TMEM233: variants seen among roughly 807,000 people sequenced by gnomAD.
The protein encoded by TMEM233 is transmembrane protein 233.
In TMEM233, 6 loss-of-function variants were observed where a neutral mutation model predicts 11.2. The ratio of observed to expected loss-of-function variants is 0.54; its 90% CI spans 0.29 to 1.06. The LOEUF (loss-of-function observed/expected upper bound fraction) is 1.06. Ranked by LOEUF, TMEM233 falls within the 50% of genes least tolerant of loss-of-function variation. The pLI is 0.08. For missense variants in TMEM233, 127 were observed against 144.7 expected (o/e 0.88, Z 0.63); for synonymous variants, 59 against 55.8 (o/e 1.06, Z -0.26).
chr12:119,593,989 C>T lies in TMEM233; in HGVS notation c.141C>T (p.Cys47=). The T allele has an allele frequency of 6.4e-7, 1 of 1,551,732 alleles. No homozygotes were observed. Among genetic ancestry groups the T allele is most frequent in the Non-Finnish European group, 8.7e-7 (1 of 1,146,974 alleles). The change falls in exon 1 of 3, where the codon TGC becomes TGT. Residue 47 remains cysteine, a synonymous_variant. Transcript: ENST00000426426. This position sits in a 1 kb window ranked among gnomAD's most constrained non-coding sequence, Gnocchi z 4.1. ...YLWLTIVSCF[C]PAYPINIVAL... is the part of the protein sequence containing the mutation. The stretch of plus-strand genomic sequence containing the variant: ...GGCTCACCATCGTCTCGTGTTTTTG[C>T]CCTGCGTACCCCATCAACATCGTGG...
At chr12:119,650,628 T>TTTG in the TMEM233 span, among the ~76,000 whole-genome samples, 432 of 151,450 alleles carry the variant, frequency 2.9e-3, 6 homozygotes, top group East Asian at 0.056. Context: ...CTTATTTGAT[T>TTTG]TTGTTGTTGT....
rs1955087250 is a variant in TMEM233, at chr12:119,641,819, G to A, written c.*1114G>A. The A allele has an allele frequency of 6.6e-6, 1 of 152,104 alleles. No homozygotes were observed. The highest frequency in any genetic ancestry group is 6.5e-5 in the Admixed American group (1 of 15,276). 9.4% of individuals were successfully genotyped at this position (152,104 alleles called of 1,614,324 possible). A position where few individuals can be genotyped will look rare whatever the true frequency, so the allele number is the denominator to read the frequency against. On this transcript the variant is annotated 3_prime_UTR_variant, in exon 3 of 3. Coordinates refer to ENST00000426426, the MANE Select transcript of TMEM233 (RefSeq NM_001136534.3). ...CTATTCTTTTTTCATCCTGATTACA[G>A]CAAGGAAAAAGTCTCTGTTTAGTGC... is the stretch of plus-strand genomic sequence containing the variant.
At chr12:119,644,810 T>C (rs1955130595), downstream of TMEM233, among the ~76,000 whole-genome samples, 1 of 152,148 alleles carries the variant, frequency 6.6e-6, no homozygotes, top group Admixed American at 6.5e-5. Context: ...CCCGTGGTGT[T>C]GTCACTTTCA....
intron 1 of TMEM233, among the ~76,000 whole-genome samples, chr12:119,624,377 AATG>A (rs1221064693): frequency 6.6e-6 from 1 of 151,974 alleles, no homozygotes; most frequent in African/African-American, 2.4e-5. Flanking sequence ...AAAAAATTTT[AATG>A]ATAATAATAA....
intron 1 of TMEM233, among the ~76,000 whole-genome samples, chr12:119,601,430 G>A (rs914471778): frequency 3.3e-5 from 5 of 152,124 alleles, no homozygotes; most frequent in Admixed American, 3.3e-4. Context: ...GCCGAGGCGG[G>A]CGGATCACGA....
intron 2 of TMEM233, among the ~76,000 whole-genome samples, chr12:119,636,713 G>T (rs7138785): frequency 1.3e-5 from 2 of 152,044 alleles, no homozygotes; most frequent in Non-Finnish European, 2.9e-5. Context: ...GAGTTGACCA[G>T]GACAACATTT....
intron 1 of TMEM233, among the ~76,000 whole-genome samples, chr12:119,626,587 A>G (rs1406975865): frequency 6.7e-5 from 10 of 149,220 alleles, no homozygotes; most frequent in Non-Finnish European, 1.0e-4. Flanking sequence ...AAGAGAAGAG[A>G]AGAGAAGAGA....
At position 119,595,765 on chromosome 12, in the gene TMEM233, C is replaced by A. The variant is rs1490959407; in HGVS notation, c.186+1731C>A. On this transcript the variant is annotated intron_variant, in intron 1 of 2. Transcript: ENST00000426426. The surrounding 1 kb of genome is among the most constrained non-coding windows in gnomAD (Gnocchi z 4.3). ...TGTGATTACTGTTTAAAATCAGGACCCCCATCCACCCACCCCGCGCAAGCT... is the reference window on the plus strand; with the variant it reads ...TGTGATTACTGTTTAAAATCAGGACACCCATCCACCCACCCCGCGCAAGCT... Among the ~76,000 whole-genome samples, 9 of 152,150 alleles carry A rather than the reference C, an allele frequency of 5.9e-5. No homozygotes were observed. The highest frequency in any genetic ancestry group is 2.2e-4 in the African/African-American group (9 of 41,444).
At position 119,594,901 on chromosome 12, in the gene TMEM233, T is replaced by C. The variant is rs970095; in HGVS notation, c.186+867T>C. Among the ~76,000 whole-genome samples the C allele has an allele frequency of 0.43, 65,043 of 151,876 alleles. 14,720 individuals carry two copies. Among genetic ancestry groups the C allele is most frequent in the African/African-American group, 0.54 (22,559 of 41,420 alleles). On this transcript the variant is annotated intron_variant, in intron 1 of 2. Coordinates refer to ENST00000426426, the MANE Select transcript of TMEM233 (RefSeq NM_001136534.3). The surrounding 1 kb of genome is among the most constrained non-coding windows in gnomAD (Gnocchi z 5.6). ...GGCCCTAACCTCTCTTCTCTTGGTG[T>C]CCCCCAGAGCTCCCAGGCGCCCCTC...
rs961144918 is a variant in TMEM233, at chr12:119,640,907, G to T, written c.*202G>T. 1 of 517,276 alleles carries T rather than the reference G, an allele frequency of 1.9e-6. No individual in the cohort carries two copies. The highest frequency in any genetic ancestry group is 3.3e-6 in the Non-Finnish European group (1 of 299,812). The allele number at this position is 517,276 out of a possible 1,614,324, so 32.0% of individuals were successfully genotyped here. The stretch of plus-strand genomic sequence containing the variant: ...TTTAGGCAATCCAAGCTGCACAGCC[G>T]GATCAGCCAAAGTCATTGATTTGTA... On this transcript the variant is annotated 3_prime_UTR_variant, in exon 3 of 3. Coordinates refer to ENST00000426426, the MANE Select transcript of TMEM233 (RefSeq NM_001136534.3).
chr12:119,631,964 C>G (rs770822486), intron 2 of TMEM233, among the ~76,000 whole-genome samples: 21 of 152,284 alleles, frequency 1.4e-4, no homozygotes, highest in Admixed American at 3.9e-4. Flanking sequence ...GAAAGGACCT[C>G]AGAATTCAAG....
chr12:119,608,242 C>T (rs542678295), intron 1 of TMEM233, among the ~76,000 whole-genome samples: 1 of 152,180 alleles, frequency 6.6e-6, no homozygotes, highest in Non-Finnish European at 1.5e-5. Flanking sequence ...AGAGAGAGGG[C>T]ACCTGATGCT....
At chr12:119,599,020 T>C (rs1176965593) in intron 1 of TMEM233, among the ~76,000 whole-genome samples, 2 of 152,214 alleles carry the variant, frequency 1.3e-5, no homozygotes, top group East Asian at 1.9e-4. Context: ...ACTAGCAAAT[T>C]TGATAAGAAT....
chr12:119,604,712 T>A (rs1954232745), intron 1 of TMEM233, among the ~76,000 whole-genome samples: 2 of 152,174 alleles, frequency 1.3e-5, no homozygotes, highest in African/African-American at 4.8e-5. Flanking sequence ...CATGGCTCAC[T>A]CCAGCCTCAA....
At chr12:119,640,564 C>A (rs528638699) in intron 2 of TMEM233, 135 bp from the exon 3 acceptor site, 5 of 927,578 alleles carry the variant, frequency 5.4e-6, no homozygotes, top group Admixed American at 2.1e-5. Context: ...AAAGTGTGCA[C>A]GCAGGCTGGT....
chr12:119,623,346 G>A (rs1338420419), intron 1 of TMEM233, among the ~76,000 whole-genome samples: 1 of 152,160 alleles, frequency 6.6e-6, no homozygotes, highest in African/African-American at 2.4e-5. Flanking sequence ...CAATAGGTCG[G>A]TTTGGGAAGG....
chr12:119,594,042 A>C lies in TMEM233; in HGVS notation c.186+8A>C, dbSNP rs1953973839. The C allele has an allele frequency of 6.4e-7, 1 of 1,551,084 alleles. No individual in the cohort carries two copies. The highest frequency in any genetic ancestry group is 1.4e-5 in the African/African-American group (1 of 73,022). ...TTGGTCTTTTCCATCATGGTGAGTG[A>C]ATCACGGCCAGAGGCAGCCTGGGAG... On this transcript the variant is annotated splice_region_variant and intron_variant, in intron 1 of 2. Transcript: ENST00000426426. The surrounding 1 kb of genome is among the most constrained non-coding windows in gnomAD (Gnocchi z 5.6).
chr12:119,600,854 G>A (rs961865377), intron 1 of TMEM233, among the ~76,000 whole-genome samples: 1 of 152,106 alleles, frequency 6.6e-6, no homozygotes, highest in Admixed American at 6.6e-5. Flanking sequence ...AAAGTTCTGG[G>A]AATGGATGGT....
At chr12:119,605,408 C>CTTTT in intron 1 of TMEM233, among the ~76,000 whole-genome samples, 1 of 115,278 alleles carries the variant, frequency 8.7e-6, no homozygotes, top group African/African-American at 3.4e-5. Flanking sequence ...CTATGCCTTT[C>CTTTT]CTTTTTTTTT....
Sources: gnomAD v4.1 joint callset for allele counts (sites outside exome capture counted in the v4.1 genomes callset) on GRCh38, gnomAD v4.1.1 for gene constraint, Gnocchi (gnomAD v3.1) non-coding constraint, MANE v1.5 for transcripts, NCBI Gene and HGNC (gene_info 2026-07-23, HGNC 2026-07-21) for gene names.